SRGAP1: variants seen among roughly 807,000 people sequenced by gnomAD.
SRGAP1 encodes SLIT-ROBO Rho GTPase activating protein 1, also known as SLIT-ROBO Rho GTPase-activating protein 1.
Under a neutral mutation model 121.9 loss-of-function variants are expected in SRGAP1, and 43 were observed. The ratio of observed to expected loss-of-function variants is 0.35; its 90% CI spans 0.28 to 0.46. The LOEUF (loss-of-function observed/expected upper bound fraction) is 0.46, where lower values mean the gene tolerates loss of function less well. Among genes scored for constraint, SRGAP1 ranks in the 20% least tolerant of loss-of-function variants. The probability of loss-of-function intolerance (pLI) is 1.00; values close to 1 mark genes in which losing one functional copy is unlikely to be tolerated. For missense variants in SRGAP1, 1,102 were observed against 1,350.9 expected (o/e 0.82, Z 2.89); for synonymous variants, 447 against 485.4 (o/e 0.92, Z 1.04).
intron 1 of SRGAP1, among the ~76,000 whole-genome samples, chr12:63,888,752 C>G (rs1900477885): frequency 6.6e-6 from 1 of 152,208 alleles, no homozygotes; most frequent in African/African-American, 2.4e-5. Context: ...TCAAGGAGGA[C>G]AAGACTTGGG....
Position 63,915,508 on chromosome 12 carries a change from A to G in SRGAP1, c.68-68439A>G, listed in dbSNP as rs2030731533. 2.0e-5 allele frequency among the ~76,000 whole-genome samples: 3 copies of G among 152,226 alleles called. No individual in the cohort carries two copies. In the South Asian group the frequency reaches 6.2e-4, roughly 32 times the overall value. On this transcript the variant is annotated intron_variant, in intron 1 of 21. Transcript: ENST00000355086. ...CAGATTGCATTCATAGAGAAATAAA[A>G]TATGTGTGAGGGGAAAACAGCTAAT...
At chr12:63,896,859 G>A (rs1900771067) in intron 1 of SRGAP1, among the ~76,000 whole-genome samples, 1 of 152,212 alleles carries the variant, frequency 6.6e-6, no homozygotes, top group African/African-American at 2.4e-5. Context: ...TACTTGGAAA[G>A]AAGGTCCTAT....
At chr12:64,052,089 T>C (rs2035248591) in intron 6 of SRGAP1, among the ~76,000 whole-genome samples, 1 of 152,214 alleles carries the variant, frequency 6.6e-6, no homozygotes, top group Non-Finnish European at 1.5e-5. Flanking sequence ...GGCTCAATTG[T>C]TAACCAAGTA....
At chr12:64,089,757 A>G (rs2036013673) in intron 11 of SRGAP1, among the ~76,000 whole-genome samples, 1 of 152,168 alleles carries the variant, frequency 6.6e-6, no homozygotes, top group South Asian at 2.1e-4. Flanking sequence ...TAACCTCGCC[A>G]GCACTGTAGA....
chr12:64,119,344 C>T (rs1288365206), intron 18 of SRGAP1, among the ~76,000 whole-genome samples: 7 of 152,132 alleles, frequency 4.6e-5, no homozygotes, highest in African/African-American at 1.4e-4. Flanking sequence ...TAATTCTTGG[C>T]TCTTTGCAAT....
In SRGAP1 at chr12:64,155,248, G is replaced by A. The variant is rs1192208598; in HGVS notation, c.*12576G>A. ...TTTTGTAGAGACGGGGTTTCACCAT[G>A]TTGCTTGTTAAGGCCGGGCACGGTG... is the stretch of plus-strand genomic sequence containing the variant. On this transcript the variant is annotated 3_prime_UTR_variant, in exon 22 of 22. Transcript: ENST00000355086. 1 of 152,096 alleles carries A rather than the reference G, an allele frequency of 6.6e-6. No homozygotes were observed. Among genetic ancestry groups the A allele is most frequent in the Non-Finnish European group, 1.5e-5 (1 of 68,120 alleles). 9.4% of individuals were successfully genotyped at this position (152,096 alleles called of 1,614,324 possible).
chr12:63,928,912 A>G (rs1334138209), intron 1 of SRGAP1, among the ~76,000 whole-genome samples: 2 of 152,208 alleles, frequency 1.3e-5, no homozygotes, highest in African/African-American at 4.8e-5. Flanking sequence ...TAATGGTGCC[A>G]TTGATATGAC....
At chr12:64,056,423 G>A (rs565507284) in intron 6 of SRGAP1, among the ~76,000 whole-genome samples, 1 of 151,846 alleles carries the variant, frequency 6.6e-6, no homozygotes, top group Admixed American at 6.6e-5. Flanking sequence ...CATGATACTA[G>A]GTGCCTGTAA....
At chr12:64,024,855 A>G (rs766200862) in intron 4 of SRGAP1, among the ~76,000 whole-genome samples, 5 of 152,144 alleles carry the variant, frequency 3.3e-5, no homozygotes, top group Admixed American at 6.5e-5. Context: ...GAACTCACTC[A>G]CTATCATGAG....
At chr12:64,102,667 A>G (rs1344552995) in intron 15 of SRGAP1, among the ~76,000 whole-genome samples, 1 of 152,180 alleles carries the variant, frequency 6.6e-6, no homozygotes, top group Admixed American at 6.5e-5. Flanking sequence ...AGAATTATAC[A>G]GTATGTTGTC....
chr12:63,860,968 T>C (rs2136266234), intron 1 of SRGAP1, among the ~76,000 whole-genome samples: 1 of 152,226 alleles, frequency 6.6e-6, no homozygotes, highest in African/African-American at 2.4e-5. Context: ...CTTGAGTAAC[T>C]GGGAGTGCAG....
chr12:63,941,251 T>C (rs2031854767), intron 1 of SRGAP1, among the ~76,000 whole-genome samples: 4 of 152,072 alleles, frequency 2.6e-5, no homozygotes, highest in Admixed American at 2.6e-4. Flanking sequence ...CTGCCAAGAT[T>C]AACTGTAATC....
intron 1 of SRGAP1, among the ~76,000 whole-genome samples, chr12:63,973,556 ACAT>A (rs765773277): frequency 3.9e-5 from 6 of 152,210 alleles, no homozygotes; most frequent in Non-Finnish European, 7.3e-5. Context: ...GAACCTGAAA[ACAT>A]CATAGGAAAT....
chr12:63,916,032 C>CTTTTT (rs140042368), intron 1 of SRGAP1, among the ~76,000 whole-genome samples: 9 of 125,200 alleles, frequency 7.2e-5, no homozygotes, highest in African/African-American at 2.4e-4. Flanking sequence ...CTTTTCTTTT[C>CTTTTT]TTTTTTTTTT....
chr12:63,918,301 C>T (rs2030884379), intron 1 of SRGAP1, among the ~76,000 whole-genome samples: 1 of 152,146 alleles, frequency 6.6e-6, no homozygotes, highest in Non-Finnish European at 1.5e-5. Context: ...AACGGAAACC[C>T]AGTGAAGTTA....
At chr12:64,058,745 T>C (rs1209338110) in intron 6 of SRGAP1, among the ~76,000 whole-genome samples, 2 of 152,094 alleles carry the variant, frequency 1.3e-5, no homozygotes. Context: ...CTCCATAGAA[T>C]TACTCTAAAC....
intron 1 of SRGAP1, among the ~76,000 whole-genome samples, chr12:63,936,121 T>TA (rs895691305): frequency 4.6e-5 from 7 of 152,016 alleles, no homozygotes; most frequent in African/African-American, 1.7e-4. Flanking sequence ...GTTATTTTTT[T>TA]AAAAAGAGAC....
At chr12:64,070,375 C>A (rs1043660881) in intron 8 of SRGAP1, among the ~76,000 whole-genome samples, 1 of 152,108 alleles carries the variant, frequency 6.6e-6, no homozygotes, top group Non-Finnish European at 1.5e-5. Flanking sequence ...TTTAGGACAG[C>A]GTTGGCTTTT....
chr12:64,129,917 A>G (rs1027974231), intron 21 of SRGAP1, among the ~76,000 whole-genome samples: 7 of 152,186 alleles, frequency 4.6e-5, no homozygotes, highest in East Asian at 1.9e-4. Context: ...ATTGATGACT[A>G]CCTTCTACTA....
Sources: gnomAD v4.1 joint callset for allele counts (sites outside exome capture counted in the v4.1 genomes callset) on GRCh38, gnomAD v4.1.1 for gene constraint, MANE v1.5 for transcripts, NCBI Gene and HGNC (gene_info 2026-07-23, HGNC 2026-07-21) for gene names.